The following DPP6 variants were observed in gnomAD, a reference collection of about 807,000 sequenced individuals.
DPP6 encodes A-type potassium channel modulatory protein DPP6.
DPP6 carries 69 observed loss-of-function variants against 122.6 expected under a neutral mutation model. The ratio of observed to expected loss-of-function variants is 0.56; its 90% CI spans 0.46 to 0.69. DPP6 has a LOEUF of 0.69. Among genes scored for constraint, DPP6 ranks in the 30% least tolerant of loss-of-function variants. The pLI is 0.00. For synonymous variants in DPP6, 418 were observed against 433.1 expected, an observed-to-expected ratio of 0.97 and a Z score of 0.43; for missense variants, 928 against 1,116.9, an observed-to-expected ratio of 0.83 and a Z score of 2.41.
chr7:154,598,391 G>C (rs1833227658), intron 5 of DPP6, among the ~76,000 whole-genome samples: 1 of 152,116 alleles, frequency 6.6e-6, no homozygotes, highest in Admixed American at 6.6e-5. Context: ...ATTTTTTCCA[G>C]GTAACGTTAT....
intron 1 of DPP6, among the ~76,000 whole-genome samples, chr7:153,895,217 A>G (rs1799357446): frequency 6.6e-6 from 1 of 152,164 alleles, no homozygotes; most frequent in African/African-American, 2.4e-5. Flanking sequence ...GTTATTACAA[A>G]CCCAACAGGG....
intron 6 of DPP6, among the ~76,000 whole-genome samples, chr7:154,640,919 G>A (rs4960657): frequency 0.095 from 14,380 of 152,038 alleles, 835 homozygotes; most frequent in East Asian, 0.18. Context: ...GCCAGAGGCC[G>A]TGCAATCTTC....
At chr7:154,176,022 GA>G (rs946335738) in intron 1 of DPP6, among the ~76,000 whole-genome samples, 1 of 152,096 alleles carries the variant, frequency 6.6e-6, no homozygotes, top group African/African-American at 2.4e-5. Context: ...AATGCTTTAT[GA>G]CCAAAACTGT....
chr7:154,343,927 G>T (rs1044648800), intron 1 of DPP6, among the ~76,000 whole-genome samples: 27 of 152,194 alleles, frequency 1.8e-4, no homozygotes, highest in Admixed American at 1.6e-3. Context: ...TGTTGGCCAG[G>T]CTGGTATCGA....
At chr7:154,325,507 A>G (rs759975664) in intron 1 of DPP6, among the ~76,000 whole-genome samples, 3 of 152,204 alleles carry the variant, frequency 2.0e-5, no homozygotes, top group Non-Finnish European at 4.4e-5. Flanking sequence ...TCTTTGTTGC[A>G]ATGGATCTCT....
At chr7:154,867,942 T>C (rs1804028551) in intron 17 of DPP6, 53 bp from the exon 18 acceptor site, 1 of 1,526,652 alleles carries the variant, frequency 6.6e-7, no homozygotes, top group African/African-American at 1.4e-5. Context: ...CCCGCAGAGG[T>C]CCTCCATGAG....
intron 1 of DPP6, chr7:153,887,778 C>G: frequency 6.2e-7 from 1 of 1,600,398 alleles, no homozygotes; most frequent in East Asian, 2.2e-5. Context: ...GGGGGACCCA[C>G]CGTGAGGAGC....
chr7:154,069,444 ATAAAG>A (rs1016246128), intron 1 of DPP6, among the ~76,000 whole-genome samples: 2 of 150,258 alleles, frequency 1.3e-5, no homozygotes, highest in African/African-American at 4.9e-5. Context: ...GAGTCTGAAA[ATAAAG>A]TATAATTTTT....
chr7:153,890,194 C>G (rs918275378), intron 1 of DPP6, among the ~76,000 whole-genome samples: 1 of 152,222 alleles, frequency 6.6e-6, no homozygotes, highest in Non-Finnish European at 1.5e-5. Flanking sequence ...TTTGCAGTAA[C>G]AGTGAACCCA....
chr7:154,849,837 C>T (rs1482304158), intron 16 of DPP6, among the ~76,000 whole-genome samples: 1 of 152,184 alleles, frequency 6.6e-6, no homozygotes, highest in Admixed American at 6.5e-5. Flanking sequence ...AGGAACATTC[C>T]TTCTATACCT....
At chr7:154,299,828 T>C (rs1805787797) in intron 1 of DPP6, among the ~76,000 whole-genome samples, 1 of 152,230 alleles carries the variant, frequency 6.6e-6, no homozygotes, top group Admixed American at 6.5e-5. Flanking sequence ...CGACTGCAGC[T>C]GATTGTCTAC....
At chr7:154,112,284 A>G (rs1806646912) in intron 1 of DPP6, among the ~76,000 whole-genome samples, 7 of 152,052 alleles carry the variant, frequency 4.6e-5, no homozygotes, top group Admixed American at 4.6e-4. Context: ...ATCAACTATT[A>G]CATTATCAAC....
chr7:154,471,958 A>G (rs1822315027), intron 2 of DPP6, among the ~76,000 whole-genome samples: 1 of 152,212 alleles, frequency 6.6e-6, no homozygotes, highest in South Asian at 2.1e-4. Flanking sequence ...GTATTAAAAT[A>G]TTGACAAGTA....
chr7:154,769,224 C>T (rs1796088615), intron 8 of DPP6, among the ~76,000 whole-genome samples, 193 bp from the exon 9 acceptor site: 1 of 152,114 alleles, frequency 6.6e-6, no homozygotes, highest in Admixed American at 6.5e-5. Context: ...TAGTCATCAG[C>T]ATCAGACATT....
intron 1 of DPP6, among the ~76,000 whole-genome samples, chr7:154,441,464 T>A (rs560794459): frequency 6.6e-6 from 1 of 152,344 alleles, no homozygotes; most frequent in African/African-American, 2.4e-5. Context: ...CAGTTCCTTT[T>A]GTGTCCCACT....
intron 1 of DPP6, among the ~76,000 whole-genome samples, chr7:153,945,496 G>A (rs1348148603): frequency 6.6e-6 from 1 of 152,126 alleles, no homozygotes; most frequent in Non-Finnish European, 1.5e-5. Context: ...GATGACTTGT[G>A]AGACTAGAAA....
intron 1 of DPP6, among the ~76,000 whole-genome samples, chr7:153,929,307 A>G (rs923435439): frequency 9.9e-5 from 15 of 152,144 alleles, no homozygotes; most frequent in African/African-American, 3.6e-4. Flanking sequence ...AGACATGAGG[A>G]TGGGCCAAGG....
intron 1 of DPP6, among the ~76,000 whole-genome samples, chr7:154,165,607 G>C (rs1034450041): frequency 6.6e-6 from 1 of 151,610 alleles, no homozygotes; most frequent in Non-Finnish European, 1.5e-5. Context: ...GGTTGAACTA[G>C]TTTACAGTCC....
chr7:154,300,191 T>G (rs2150978567), intron 1 of DPP6, among the ~76,000 whole-genome samples: 1 of 152,334 alleles, frequency 6.6e-6, no homozygotes, highest in African/African-American at 2.4e-5. Flanking sequence ...CAGGTGGGCC[T>G]GCCCCCATGC....
Sources: allele counts gnomAD v4.1 joint callset (sites outside exome capture counted in the v4.1 genomes callset), GRCh38; gene constraint gnomAD v4.1.1; transcripts MANE v1.5; gene names NCBI Gene and HGNC (gene_info 2026-07-23, HGNC 2026-07-21).